The following ASPH variants were observed in gnomAD, a reference collection of about 807,000 sequenced individuals.
ASPH encodes the protein aspartate beta-hydroxylase, also known as aspartyl/asparaginyl beta-hydroxylase.
A neutral mutation model predicts 118.4 loss-of-function variants in ASPH; 100 were observed. The observed-to-expected ratio is 0.84, with a 90% CI of 0.72 to 1.00. The LOEUF (loss-of-function observed/expected upper bound fraction) is 1.00, where lower values mean the gene tolerates loss of function less well. Among genes scored for constraint, ASPH ranks in the 50% least tolerant of loss-of-function variants. The probability of loss-of-function intolerance (pLI) is 0.00; values close to 1 mark genes in which losing one functional copy is unlikely to be tolerated. For missense variants in ASPH, 920 were observed against 919.5 expected, an observed-to-expected ratio of 1.00 and a Z score of -0.01; for synonymous variants, 315 against 325.6, an observed-to-expected ratio of 0.97 and a Z score of 0.35.
At chr8:61,643,537 G>T in intron 8 of ASPH, 104 bp from the exon 9 acceptor site, 1 of 1,150,168 alleles carries the variant, frequency 8.7e-7, no homozygotes. Flanking sequence ...AACTTTGCCA[G>T]ATAGATGTTT....
chr8:61,542,562 A>G (rs1428243636), intron 21 of ASPH, among the ~76,000 whole-genome samples: 2 of 152,210 alleles, frequency 1.3e-5, no homozygotes, highest in African/African-American at 2.4e-5. Flanking sequence ...TTTCTATGCT[A>G]TAAGTCCACA....
At chr8:61,675,443 A>G (rs950360080) in intron 3 of ASPH, 1 of 984,492 alleles carries the variant, frequency 1.0e-6, no homozygotes, top group Admixed American at 6.2e-5. Flanking sequence ...TGAAAACAGT[A>G]AGTTAACTTA....
chr8:61,583,318 C>T (rs758820608), intron 15 of ASPH: 18 of 151,822 alleles, frequency 1.2e-4, no homozygotes, highest in African/African-American at 3.1e-4. Context: ...CCAGCACTTT[C>T]GGAGGCTGAG....
At chr8:61,587,584 G>T (rs1395655939) in intron 14 of ASPH, among the ~76,000 whole-genome samples, 1 of 152,164 alleles carries the variant, frequency 6.6e-6, no homozygotes. Flanking sequence ...CCAAAACAGT[G>T]TAACAGCAAA....
At chr8:61,660,582 G>C (rs1250484670) in intron 3 of ASPH, 1 of 152,056 alleles carries the variant, frequency 6.6e-6, no homozygotes, top group Non-Finnish European at 1.5e-5. Context: ...TGGATGTTGA[G>C]AACACTGTTC....
At chr8:61,707,609 C>T (rs1836997454) in intron 1 of ASPH, among the ~76,000 whole-genome samples, 2 of 152,240 alleles carry the variant, frequency 1.3e-5, no homozygotes, top group African/African-American at 2.4e-5. Flanking sequence ...TAGAAAAACA[C>T]TCAGACATGT....
chr8:61,544,790 G>T (rs1269318603), intron 21 of ASPH, among the ~76,000 whole-genome samples: 2 of 152,168 alleles, frequency 1.3e-5, no homozygotes, highest in Non-Finnish European at 2.9e-5. Context: ...CATCTTAGAA[G>T]ACACAATCTC....
chr8:61,643,521 C>T, intron 8 of ASPH, 88 bp from the exon 9 acceptor site: 2 of 1,307,428 alleles, frequency 1.5e-6, no homozygotes, highest in South Asian at 1.3e-5. Context: ...AATTAATTAT[C>T]TTCACAACTT....
intron 22 of ASPH, among the ~76,000 whole-genome samples, chr8:61,525,485 G>A (rs1377459731): frequency 6.6e-6 from 1 of 152,050 alleles, no homozygotes; most frequent in East Asian, 1.9e-4. Flanking sequence ...AGTTATTATT[G>A]TCTTGTCACT....
rs1818377523 is a variant in ASPH at position 61,664,305 on chromosome 8, T to C, written c.323-10645A>G. 3 of 969,774 alleles carry C rather than the reference T, an allele frequency of 3.1e-6. No individual in the cohort carries two copies. The South Asian group carries it at 1.4e-4, about 46-fold the overall frequency. The allele number at this position is 969,774 out of a possible 1,614,324, so 60.1% of individuals were successfully genotyped here. A position where few individuals can be genotyped will look rare whatever the true frequency, so the allele number is the denominator to read the frequency against. On this transcript the variant is annotated intron_variant, in intron 3 of 24. Coordinates refer to ENST00000379454, the MANE Select transcript of ASPH (RefSeq NM_004318.4). ...ATGACACAATCAAATATGAAAAATG[T>C]ATGCCATTCAACCAAAATAATGGAA...
chr8:61,713,096 T>C (rs1309938383), intron 1 of ASPH, among the ~76,000 whole-genome samples: 1 of 152,272 alleles, frequency 6.6e-6, no homozygotes, highest in Non-Finnish European at 1.5e-5. Context: ...GGTGAATTAA[T>C]ATGCTTGCAT....
At chr8:61,548,675 T>C (rs1382565063) in intron 20 of ASPH, among the ~76,000 whole-genome samples, 1 of 152,222 alleles carries the variant, frequency 6.6e-6, no homozygotes, top group Non-Finnish European at 1.5e-5. Flanking sequence ...GTACTTTCCA[T>C]GTCCACATTT....
rs143979567 is a variant in ASPH at position 61,700,875 on chromosome 8, C to T, written c.103+13394G>A. Among the ~76,000 whole-genome samples the T allele has an allele frequency of 5.3e-3, 809 of 152,274 alleles. 10 individuals carry two copies. Among genetic ancestry groups the T allele is most frequent in the African/African-American group, 0.019 (780 of 41,566 alleles). On this transcript the variant is annotated intron_variant, in intron 1 of 24. Coordinates refer to ENST00000379454, the MANE Select transcript of ASPH (RefSeq NM_004318.4). The stretch of plus-strand genomic sequence containing the variant: ...ATCAGCACACATCTCCTAAATAATT[C>T]GGCATGAGTATCATAAACTATAGTT...
intron 15 of ASPH, chr8:61,579,334 G>A (rs1318948571): frequency 3.7e-5 from 59 of 1,614,086 alleles, no homozygotes; most frequent in South Asian, 1.9e-4. Flanking sequence ...CGGCAGCTGC[G>A]TGAGTACCAG....
At chr8:61,557,813 A>T (rs973382410) in intron 18 of ASPH, among the ~76,000 whole-genome samples, 3 of 152,206 alleles carry the variant, frequency 2.0e-5, no homozygotes, top group Non-Finnish European at 4.4e-5. Context: ...CAGTTTCCAC[A>T]GTACTGTTCC....
At chr8:61,650,867 G>C (rs1810622553) in intron 5 of ASPH, among the ~76,000 whole-genome samples, 183 bp downstream of exon 5, 1 of 152,134 alleles carries the variant, frequency 6.6e-6, no homozygotes, top group Admixed American at 6.5e-5. Flanking sequence ...CGGTGAAGTA[G>C]AATAAAGTAA....
intron 15 of ASPH, chr8:61,583,200 A>G (rs1475972582): frequency 6.6e-6 from 1 of 152,062 alleles, no homozygotes; most frequent in Non-Finnish European, 1.5e-5. Context: ...TTCTTTTTGC[A>G]TCAAGGAGCT....
chr8:61,590,367 T>G (rs1840730439), intron 14 of ASPH, among the ~76,000 whole-genome samples: 1 of 152,096 alleles, frequency 6.6e-6, no homozygotes, highest in Non-Finnish European at 1.5e-5. Flanking sequence ...TAGCAAGAAC[T>G]GGGTTTTTGA....
chr8:61,681,143 T>A, intron 2 of ASPH, 107 bp from the exon 3 acceptor site: 1 of 829,560 alleles, frequency 1.2e-6, no homozygotes, highest in Non-Finnish European at 1.8e-6. Flanking sequence ...TGTTACCAAT[T>A]AATACAATTC....
Sources: allele counts gnomAD v4.1 joint callset (sites outside exome capture counted in the v4.1 genomes callset), GRCh38; gene constraint gnomAD v4.1.1; transcripts MANE v1.5; gene names NCBI Gene and HGNC (gene_info 2026-07-23, HGNC 2026-07-21).